The following AP3B1 variants were observed in gnomAD, a reference collection of about 807,000 sequenced individuals.
AP3B1 encodes AP-3 complex subunit beta-1.
A neutral mutation model predicts 132.5 loss-of-function variants in AP3B1; 61 were observed. The observed-to-expected ratio is 0.46, with a 90% CI of 0.37 to 0.57. The LOEUF (loss-of-function observed/expected upper bound fraction) is 0.57, where lower values mean the gene tolerates loss of function less well. AP3B1 is among the 20% of genes least tolerant of loss of function. The probability of loss-of-function intolerance (pLI) is 0.00; values close to 1 mark genes in which losing one functional copy is unlikely to be tolerated. For missense variants in AP3B1, 1,120 were observed against 1,289.4 expected, an observed-to-expected ratio of 0.87 and a Z score of 2.01; for synonymous variants, 388 against 438.3, an observed-to-expected ratio of 0.89 and a Z score of 1.43.
chr5:78,132,672 A>G (rs1752740649), intron 15 of AP3B1, among the ~76,000 whole-genome samples: 1 of 152,228 alleles, frequency 6.6e-6, no homozygotes, highest in Non-Finnish European at 1.5e-5. Flanking sequence ...CTTAATGCAT[A>G]ATCTTAAAAT....
chr5:78,090,074 G>A (rs976433687), intron 21 of AP3B1, among the ~76,000 whole-genome samples: 4 of 152,074 alleles, frequency 2.6e-5, no homozygotes, highest in African/African-American at 9.7e-5. Flanking sequence ...ATGCAAGTCT[G>A]GTCATGTTAC....
chr5:78,068,247 C>T (rs1402022847), intron 22 of AP3B1, among the ~76,000 whole-genome samples: 1 of 152,074 alleles, frequency 6.6e-6, no homozygotes, highest in Non-Finnish European at 1.5e-5. Flanking sequence ...CGCTTGAACC[C>T]CGGAGGTGGA....
chr5:78,181,126 T>C (rs989285971), intron 8 of AP3B1, among the ~76,000 whole-genome samples: 3 of 152,086 alleles, frequency 2.0e-5, no homozygotes, highest in Non-Finnish European at 4.4e-5. Context: ...TAAATATACA[T>C]AGTTCTTATA....
chr5:78,140,986 T>A (rs1342198016), intron 15 of AP3B1, among the ~76,000 whole-genome samples, 157 bp downstream of exon 15: 1 of 152,208 alleles, frequency 6.6e-6, no homozygotes, highest in Non-Finnish European at 1.5e-5. Flanking sequence ...TAGAATGTCA[T>A]CTGTTTGCAC....
intron 7 of AP3B1, among the ~76,000 whole-genome samples, chr5:78,215,208 C>CTT (rs959445908): frequency 1.4e-5 from 2 of 142,836 alleles, no homozygotes; most frequent in South Asian, 2.2e-4. Context: ...TTTTAAAAAT[C>CTT]TTTTTTTTTT....
chr5:78,137,394 C>T (rs184368257), intron 15 of AP3B1, among the ~76,000 whole-genome samples: 91 of 152,254 alleles, frequency 6.0e-4, no homozygotes, highest in Admixed American at 2.9e-3. Flanking sequence ...TTGAGATTCT[C>T]CCACACTGAC....
intron 18 of AP3B1, 191 bp downstream of exon 18, chr5:78,115,935 T>TA: frequency 1.6e-6 from 1 of 629,214 alleles, no homozygotes. Context: ...TATTGTAAAG[T>TA]AAAAAGAGAA....
Position 78,098,220 on chromosome 5 carries a change from T to C in AP3B1, c.2470+2733A>G, listed in dbSNP as rs571420590. 8.5e-4 allele frequency among the ~76,000 whole-genome samples: 129 copies of C among 151,436 alleles called. 1 individual carries two copies. Among genetic ancestry groups the C allele is most frequent in the Admixed American group, 3.0e-3 (45 of 15,174 alleles). On this transcript the variant is annotated intron_variant, in intron 21 of 26. Coordinates refer to ENST00000255194, the MANE Select transcript of AP3B1 (RefSeq NM_003664.5). ...GTTTATCTGCTGACCTTCCCTCCACTATTGTCCTATGACCCTGCCAAATCC... is the reference window on the plus strand; with the variant it reads ...GTTTATCTGCTGACCTTCCCTCCACCATTGTCCTATGACCCTGCCAAATCC...
intron 1 of AP3B1, among the ~76,000 whole-genome samples, chr5:78,270,038 G>A (rs1285289279): frequency 6.6e-6 from 1 of 151,992 alleles, no homozygotes; most frequent in Non-Finnish European, 1.5e-5. Context: ...TCAGCCTCCT[G>A]AGTAGCTGGG....
intron 22 of AP3B1, among the ~76,000 whole-genome samples, chr5:78,070,286 A>G (rs186324040): frequency 1.8e-4 from 27 of 152,174 alleles, no homozygotes; most frequent in Non-Finnish European, 4.0e-4. Context: ...GCACACCTGT[A>G]ATCCCAGATA....
intron 14 of AP3B1, among the ~76,000 whole-genome samples, chr5:78,155,977 C>T (rs907775958): frequency 1.3e-5 from 2 of 152,140 alleles, no homozygotes; most frequent in African/African-American, 2.4e-5. Context: ...TCATGTATGA[C>T]ACATGAACAT....
chr5:78,082,527 A>G (rs1750060507), intron 22 of AP3B1, among the ~76,000 whole-genome samples: 1 of 152,250 alleles, frequency 6.6e-6, no homozygotes, highest in Admixed American at 6.5e-5. Flanking sequence ...GAAAAGTATT[A>G]TCTCCATTTT....
chr5:78,001,013 T>C (rs181275455), downstream of AP3B1: 102 of 152,334 alleles, frequency 6.7e-4, 1 homozygote, highest in African/African-American at 2.4e-3. Context: ...CATTATATTA[T>C]TGATTTACCA....
chr5:78,116,710 C>CT (rs1751849900), intron 17 of AP3B1, among the ~76,000 whole-genome samples: 1 of 152,016 alleles, frequency 6.6e-6, no homozygotes, highest in Non-Finnish European at 1.5e-5. Flanking sequence ...CTTGACTTCT[C>CT]TTTTTTTCTC....
At chr5:78,167,162 C>A (rs761410008) in intron 11 of AP3B1, among the ~76,000 whole-genome samples, 20 of 151,924 alleles carry the variant, frequency 1.3e-4, no homozygotes, top group Non-Finnish European at 2.5e-4. Context: ...AAAAAACAAT[C>A]CCACCAAAAA....
chr5:78,167,244 A>G (rs577150204), intron 11 of AP3B1, among the ~76,000 whole-genome samples: 23 of 152,352 alleles, frequency 1.5e-4, no homozygotes, highest in African/African-American at 4.8e-4. Flanking sequence ...AAAAATGCTC[A>G]ACATCACTAC....
chr5:78,123,064 T>C (rs1019498534), intron 17 of AP3B1, among the ~76,000 whole-genome samples: 2 of 152,222 alleles, frequency 1.3e-5, no homozygotes, highest in Admixed American at 1.3e-4. Context: ...CCATCTGATC[T>C]TTGACAAACC....
chr5:78,204,274 T>C (rs1250670314), intron 7 of AP3B1, among the ~76,000 whole-genome samples: 1 of 152,240 alleles, frequency 6.6e-6, no homozygotes, highest in African/African-American at 2.4e-5. Flanking sequence ...CAGTCGTTTC[T>C]AAGCTATTTC....
chr5:78,075,460 G>A (rs1268274731), intron 22 of AP3B1, among the ~76,000 whole-genome samples: 3 of 152,130 alleles, frequency 2.0e-5, no homozygotes, highest in Admixed American at 1.3e-4. Context: ...CTGTTTCCCA[G>A]TTGAGTTCCT....
Sources: gnomAD v4.1 joint callset for allele counts (sites outside exome capture counted in the v4.1 genomes callset) on GRCh38, gnomAD v4.1.1 for gene constraint, MANE v1.5 for transcripts, NCBI Gene and HGNC (gene_info 2026-07-23, HGNC 2026-07-21) for gene names.